NLGN1: variants seen among roughly 807,000 people sequenced by gnomAD.
The protein encoded by NLGN1 is neuroligin-1.
Under a neutral mutation model 65.5 loss-of-function variants are expected in NLGN1, and 12 were observed. The observed-to-expected ratio is 0.18, with a 90% confidence interval of 0.12 to 0.30. NLGN1 has a LOEUF of 0.30. NLGN1 is among the 10% of genes least tolerant of loss of function. NLGN1 has a pLI of 1.00. For missense variants in NLGN1, 750 were observed against 1,007.1 expected, an observed-to-expected ratio of 0.74 and a Z score of 3.46; for synonymous variants, 350 against 359.5, an observed-to-expected ratio of 0.97 and a Z score of 0.30.
chr3:173,929,995 C>T (rs1036994948), intron 4 of NLGN1, among the ~76,000 whole-genome samples: 22 of 152,144 alleles, frequency 1.4e-4, no homozygotes, highest in Admixed American at 1.0e-3. Flanking sequence ...TAAGCCACCA[C>T]GCCTGGCCAA....
chr3:174,209,623 CTTTTTTT>C (rs796169913), intron 4 of NLGN1, among the ~76,000 whole-genome samples: 6 of 82,072 alleles, frequency 7.3e-5, no homozygotes, highest in East Asian at 6.3e-4. Flanking sequence ...ACCTTTCTTT[CTTTTTTT>C]TTTTTTTTTT....
chr3:173,956,162 C>G (rs1310747370), intron 4 of NLGN1, among the ~76,000 whole-genome samples: 1 of 151,880 alleles, frequency 6.6e-6, no homozygotes, highest in Non-Finnish European at 1.5e-5. Context: ...TTTGTCCAAG[C>G]CTGTCTTTTT....
At chr3:173,790,083 A>G (rs1712337283) in intron 3 of NLGN1, among the ~76,000 whole-genome samples, 3 of 151,690 alleles carry the variant, frequency 2.0e-5, no homozygotes, top group Admixed American at 6.6e-5. Flanking sequence ...TTTTTTCTTC[A>G]TCATGGTACC....
intron 2 of NLGN1, among the ~76,000 whole-genome samples, chr3:173,458,839 G>A (rs1390574612): frequency 6.6e-6 from 1 of 152,084 alleles, no homozygotes; most frequent in African/African-American, 2.4e-5. Flanking sequence ...TTTTCTTATG[G>A]TTGCAAGGCA....
chr3:174,215,714 G>A (rs1017175391), intron 4 of NLGN1, among the ~76,000 whole-genome samples: 5 of 152,142 alleles, frequency 3.3e-5, no homozygotes, highest in Non-Finnish European at 7.4e-5. Context: ...GAACGAGTCA[G>A]TAAAACATCA....
chr3:173,586,761 A>G (rs71310549), intron 2 of NLGN1, among the ~76,000 whole-genome samples: 13,315 of 152,116 alleles, frequency 0.088, 801 homozygotes, highest in Non-Finnish European at 0.13. Context: ...TTTTAAGGCG[A>G]TATCTGAGAA....
chr3:173,741,531 C>T (rs1029366721), intron 3 of NLGN1, among the ~76,000 whole-genome samples: 1 of 152,028 alleles, frequency 6.6e-6, no homozygotes, highest in African/African-American at 2.4e-5. Flanking sequence ...CTCACTATGT[C>T]ACTCAGGTTG....
chr3:173,428,672 A>ACTT (rs1177409296), intron 1 of NLGN1, among the ~76,000 whole-genome samples: 1 of 152,068 alleles, frequency 6.6e-6, no homozygotes, highest in Non-Finnish European at 1.5e-5. Flanking sequence ...CTAAAGGTAT[A>ACTT]AGTGGTTGAT....
chr3:174,243,538 C>A (rs1225142593), intron 4 of NLGN1, among the ~76,000 whole-genome samples: 1 of 152,130 alleles, frequency 6.6e-6, no homozygotes, highest in Non-Finnish European at 1.5e-5. Flanking sequence ...CTCTTTCTTA[C>A]AAAATCTTAA....
chr3:173,856,565 T>C (rs1647447926), intron 4 of NLGN1, among the ~76,000 whole-genome samples: 1 of 152,116 alleles, frequency 6.6e-6, no homozygotes, highest in Non-Finnish European at 1.5e-5. Flanking sequence ...AATTAGGAGC[T>C]ATCGTCCAGC....
intron 1 of NLGN1, chr3:173,399,978 T>A (rs569518683): frequency 6.6e-6 from 1 of 152,344 alleles, no homozygotes; most frequent in South Asian, 2.1e-4. Context: ...TGATAATTCT[T>A]TATTATTTTT....
intron 4 of NLGN1, among the ~76,000 whole-genome samples, chr3:174,170,949 T>G (rs13320011): frequency 0.17 from 25,974 of 152,124 alleles, 4,584 homozygotes; most frequent in African/African-American, 0.45. Flanking sequence ...TTACATATTT[T>G]TACATGAAAA....
chr3:173,443,194 A>G (rs761246740), intron 2 of NLGN1, among the ~76,000 whole-genome samples: 5 of 151,558 alleles, frequency 3.3e-5, no homozygotes, highest in African/African-American at 4.8e-5. Flanking sequence ...ACCTATGATC[A>G]TGTCACTGCA....
intron 4 of NLGN1, among the ~76,000 whole-genome samples, chr3:174,058,616 G>A (rs62292109): frequency 3.4e-4 from 52 of 152,104 alleles, no homozygotes; most frequent in Non-Finnish European, 6.0e-4. Context: ...TAAAGAATTT[G>A]TATCATAAAT....
At chr3:173,668,613 T>C (rs555810581) in intron 3 of NLGN1, among the ~76,000 whole-genome samples, 7 of 143,588 alleles carry the variant, frequency 4.9e-5, no homozygotes, top group Admixed American at 2.1e-4. Context: ...TTTTTACTTT[T>C]CTTTTCTTTT....
intron 2 of NLGN1, among the ~76,000 whole-genome samples, chr3:173,539,799 TATATATAC>T (rs1738449572): frequency 2.3e-5 from 1 of 43,910 alleles, no homozygotes. Flanking sequence ...CATATATACA[TATATATAC>T]ATATATACAT....
chr3:173,561,914 GA>G (rs1320731782), intron 2 of NLGN1, among the ~76,000 whole-genome samples: 1 of 152,158 alleles, frequency 6.6e-6, no homozygotes, highest in African/African-American at 2.4e-5. Flanking sequence ...AAACATTGCA[GA>G]AAAATGCTCT....
chr3:173,800,205 G>A (rs1314623254), intron 3 of NLGN1: 6 of 325,404 alleles, frequency 1.8e-5, no homozygotes, highest in Non-Finnish European at 2.6e-5. Flanking sequence ...GAGAATTTTA[G>A]TATTTATATT....
chr3:173,566,520 A>G (rs970125526), intron 2 of NLGN1, among the ~76,000 whole-genome samples: 1 of 152,088 alleles, frequency 6.6e-6, no homozygotes, highest in Non-Finnish European at 1.5e-5. Flanking sequence ...GAAAAAAAAT[A>G]TTTCCTTTCT....
Sources: gnomAD v4.1 joint callset for allele counts (sites outside exome capture counted in the v4.1 genomes callset) on GRCh38, gnomAD v4.1.1 for gene constraint, MANE v1.5 for transcripts, NCBI Gene and HGNC (gene_info 2026-07-23, HGNC 2026-07-21) for gene names.